Variants in ZNF804B observed in about 807,000 individuals in gnomAD.
The protein encoded by ZNF804B is zinc finger 804B.
Under a neutral mutation model 101.4 loss-of-function variants are expected in ZNF804B, and 80 were observed. The ratio of observed to expected loss-of-function variants is 0.79; its 90% confidence interval spans 0.66 to 0.95. The LOEUF (loss-of-function observed/expected upper bound fraction) is 0.95, where lower values mean the gene tolerates loss of function less well. Among genes scored for constraint, ZNF804B ranks in the 40% least tolerant of loss-of-function variants. ZNF804B has a pLI of 0.00. For synonymous variants in ZNF804B, 622 were observed against 558.8 expected (o/e 1.11, Z -1.59); for missense variants, 1,673 against 1,561.9 (o/e 1.07, Z -1.20).
At chr7:88,767,118 A>G (rs1193411975) in intron 1 of ZNF804B, among the ~76,000 whole-genome samples, 1 of 152,164 alleles carries the variant, frequency 6.6e-6, no homozygotes. Context: ...TGGTTCACAC[A>G]TAAATGTTGG....
chr7:88,899,406 G>A (rs1792356417), intron 1 of ZNF804B, among the ~76,000 whole-genome samples: 3 of 152,130 alleles, frequency 2.0e-5, no homozygotes, highest in Admixed American at 6.5e-5. Flanking sequence ...TAGGTGACAA[G>A]GTTTCTAAAA....
At chr7:89,220,066 CAT>C (rs1204101899) in intron 2 of ZNF804B, among the ~76,000 whole-genome samples, 3 of 93,918 alleles carry the variant, frequency 3.2e-5, no homozygotes, top group East Asian at 4.7e-4. Context: ...TATATACGCA[CAT>C]ATATGTGTAT....
intron 1 of ZNF804B, among the ~76,000 whole-genome samples, chr7:88,879,477 T>C (rs1200260142): frequency 6.6e-6 from 1 of 152,184 alleles, no homozygotes; most frequent in Non-Finnish European, 1.5e-5. Context: ...TGAAGAAGTA[T>C]GAAGTTATTC....
intron 1 of ZNF804B, among the ~76,000 whole-genome samples, chr7:88,802,873 G>C (rs1033300579): frequency 1.3e-5 from 2 of 152,136 alleles, no homozygotes; most frequent in African/African-American, 2.4e-5. Flanking sequence ...TGCAGGCAAA[G>C]TGGATTTTGC....
chr7:89,287,222 A>C (rs1562937579), intron 2 of ZNF804B, among the ~76,000 whole-genome samples: 1 of 152,154 alleles, frequency 6.6e-6, no homozygotes, highest in Non-Finnish European at 1.5e-5. Flanking sequence ...ATTAGTAGTT[A>C]TGTTTTTGGG....
At chr7:88,767,286 C>A (rs542912671) in intron 1 of ZNF804B, among the ~76,000 whole-genome samples, 1 of 152,296 alleles carries the variant, frequency 6.6e-6, no homozygotes, top group Admixed American at 6.5e-5. Context: ...CCCATATCTC[C>A]ATTCAGAACC....
intron 2 of ZNF804B, among the ~76,000 whole-genome samples, chr7:89,313,123 C>T (rs1562943425): frequency 6.6e-6 from 1 of 152,138 alleles, no homozygotes; most frequent in Non-Finnish European, 1.5e-5. Context: ...TCTGCATAAA[C>T]TCTGCTTATT....
intron 1 of ZNF804B, among the ~76,000 whole-genome samples, chr7:89,208,014 G>A (rs1788740402): frequency 6.6e-6 from 1 of 151,960 alleles, no homozygotes; most frequent in Non-Finnish European, 1.5e-5. Flanking sequence ...CCATTTTGGT[G>A]GGCTAATACT....
At chr7:88,856,963 G>T (rs548317492) in intron 1 of ZNF804B, among the ~76,000 whole-genome samples, 1 of 152,248 alleles carries the variant, frequency 6.6e-6, no homozygotes, top group East Asian at 1.9e-4. Context: ...AAGCCCACTT[G>T]ATCATGGTGG....
At chr7:89,133,577 C>T (rs910771659) in intron 1 of ZNF804B, among the ~76,000 whole-genome samples, 12 of 152,006 alleles carry the variant, frequency 7.9e-5, no homozygotes, top group African/African-American at 2.7e-4. Flanking sequence ...CATGGGAGCT[C>T]ATGTTCACGT....
intron 1 of ZNF804B, among the ~76,000 whole-genome samples, chr7:89,119,985 A>G (rs1052851089): frequency 1.3e-5 from 2 of 150,984 alleles, no homozygotes; most frequent in African/African-American, 4.9e-5. Flanking sequence ...TTTTTAATGG[A>G]GCAGACATAG....
At chr7:88,847,952 A>G (rs1416189894) in intron 1 of ZNF804B, among the ~76,000 whole-genome samples, 1 of 152,202 alleles carries the variant, frequency 6.6e-6, no homozygotes, top group Admixed American at 6.5e-5. Context: ...ACCATGATTC[A>G]CAGACATGAA....
intron 1 of ZNF804B, among the ~76,000 whole-genome samples, chr7:89,014,550 T>C (rs1788512472): frequency 6.6e-6 from 1 of 152,208 alleles, no homozygotes; most frequent in Non-Finnish European, 1.5e-5. Flanking sequence ...TCTCCTGACC[T>C]TGTGATCCAC....
At chr7:88,987,530 T>G (rs1793775408) in intron 1 of ZNF804B, among the ~76,000 whole-genome samples, 1 of 152,128 alleles carries the variant, frequency 6.6e-6, no homozygotes. Flanking sequence ...TTTAATTTCT[T>G]TTGTAATTTC....
At chr7:89,115,903 T>G (rs975422600) in intron 1 of ZNF804B, among the ~76,000 whole-genome samples, 1 of 57,040 alleles carries the variant, frequency 1.8e-5, no homozygotes, top group African/African-American at 9.4e-5. Context: ...CAGGTTTTTT[T>G]GTTTTTTTTT....
intron 1 of ZNF804B, among the ~76,000 whole-genome samples, chr7:88,992,375 T>C (rs1316035716): frequency 6.6e-6 from 1 of 152,142 alleles, no homozygotes; most frequent in African/African-American, 2.4e-5. Flanking sequence ...GCTACCCATC[T>C]AGATTACATT....
intron 1 of ZNF804B, among the ~76,000 whole-genome samples, chr7:89,000,524 C>T (rs1044566748): frequency 2.6e-5 from 4 of 151,968 alleles, no homozygotes; most frequent in African/African-American, 7.2e-5. Context: ...ACATATATTT[C>T]GTGAATTAAT....
intron 2 of ZNF804B, among the ~76,000 whole-genome samples, chr7:89,294,969 C>G (rs1188755743): frequency 1.3e-5 from 2 of 152,098 alleles, no homozygotes; most frequent in Non-Finnish European, 2.9e-5. Flanking sequence ...TCTGTTTCCT[C>G]ATGTTCTTTG....
intron 1 of ZNF804B, among the ~76,000 whole-genome samples, chr7:89,095,610 G>T (rs1008643107): frequency 1.3e-5 from 2 of 152,062 alleles, no homozygotes; most frequent in Non-Finnish European, 1.5e-5. Flanking sequence ...ATTTGTGAAG[G>T]TATACATATA....
Sources: allele counts gnomAD v4.1 joint callset (sites outside exome capture counted in the v4.1 genomes callset), GRCh38; gene constraint gnomAD v4.1.1; transcripts MANE v1.5; gene names NCBI Gene and HGNC (gene_info 2026-07-23, HGNC 2026-07-21).